MRTFB: variants seen among roughly 807,000 people sequenced by gnomAD.
MRTFB encodes myocardin-related transcription factor B.
Under a neutral mutation model 104.2 loss-of-function variants are expected in MRTFB, and 29 were observed. The ratio of observed to expected loss-of-function variants is 0.28; its 90% CI spans 0.21 to 0.38. The LOEUF (loss-of-function observed/expected upper bound fraction) is 0.38. Ranked by LOEUF, MRTFB falls within the 10% of genes least tolerant of loss-of-function variation. The pLI, the probability that MRTFB is intolerant of heterozygous loss-of-function variation, is 1.00. For missense variants in MRTFB, 1,270 were observed against 1,341.6 expected, an observed-to-expected ratio of 0.95 and a Z score of 0.83; for synonymous variants, 535 against 519.5, an observed-to-expected ratio of 1.03 and a Z score of -0.41.
chr16:14,039,265 C>A, the MRTFB span, among the ~76,000 whole-genome samples: 1 of 152,194 alleles, frequency 6.6e-6, no homozygotes, highest in African/African-American at 2.4e-5. Flanking sequence ...GCTTGAGTAT[C>A]CTCACAACAT....
intron 13 of MRTFB, among the ~76,000 whole-genome samples, chr16:14,251,622 A>G (rs1170317647): frequency 6.6e-6 from 1 of 152,270 alleles, no homozygotes; most frequent in South Asian, 2.1e-4. Context: ...TGTATGGATA[A>G]AGTTTTATTG....
chr16:14,169,387 C>T (rs1229133373), intron 3 of MRTFB, among the ~76,000 whole-genome samples: 2 of 152,094 alleles, frequency 1.3e-5, no homozygotes, highest in South Asian at 2.1e-4. Flanking sequence ...CACTCAGGTC[C>T]GATTCTGAAT....
chr16:14,004,648 A>C, the MRTFB span, among the ~76,000 whole-genome samples: 3 of 152,208 alleles, frequency 2.0e-5, no homozygotes, highest in Non-Finnish European at 4.4e-5. Flanking sequence ...AGCCAGACAC[A>C]GGGACTGCAA....
chr16:14,151,233 A>G (rs958720017), intron 3 of MRTFB: 1 of 152,218 alleles, frequency 6.6e-6, no homozygotes, highest in African/African-American at 2.4e-5. Context: ...TTAACTTTTT[A>G]TAATAGATTT....
At chr16:14,006,659 T>A in the MRTFB span, among the ~76,000 whole-genome samples, 1 of 152,224 alleles carries the variant, frequency 6.6e-6, no homozygotes, top group Admixed American at 6.5e-5. Context: ...ATTGTTTGCA[T>A]GTTTCAATAT....
the MRTFB span, among the ~76,000 whole-genome samples, chr16:14,030,029 T>C: frequency 6.6e-6 from 1 of 151,736 alleles, no homozygotes; most frequent in African/African-American, 2.4e-5. Context: ...GAGAGCTGCC[T>C]GTGATCAGCC....
At chr16:14,237,115 G>T (rs572766878) in intron 9 of MRTFB, among the ~76,000 whole-genome samples, 1 of 152,200 alleles carries the variant, frequency 6.6e-6, no homozygotes, top group Non-Finnish European at 1.5e-5. Context: ...CTGGATAGAT[G>T]AGTGCAGACC....
chr16:14,004,421 C>G, the MRTFB span, among the ~76,000 whole-genome samples: 1 of 152,156 alleles, frequency 6.6e-6, no homozygotes, highest in Non-Finnish European at 1.5e-5. Flanking sequence ...TAAGTTGCAA[C>G]CGCAGGGAGT....
At chr16:14,225,056 C>A (rs183413075) in intron 8 of MRTFB, among the ~76,000 whole-genome samples, 1 of 152,048 alleles carries the variant, frequency 6.6e-6, no homozygotes, top group East Asian at 1.9e-4. Context: ...TGTGGTGGCG[C>A]GTGCCTGTAA....
chr16:14,240,770 G>C, intron 10 of MRTFB: 1 of 765,768 alleles, frequency 1.3e-6, no homozygotes, highest in Non-Finnish European at 2.4e-6. Flanking sequence ...CACCAAAATA[G>C]TACTAGATGC....
At chr16:14,010,137 G>A in the MRTFB span, among the ~76,000 whole-genome samples, 1 of 152,072 alleles carries the variant, frequency 6.6e-6, no homozygotes, top group African/African-American at 2.4e-5. Flanking sequence ...TTAGAAGCTG[G>A]GTAGGATGCT....
chr16:14,248,393 G>C (rs994609804), intron 12 of MRTFB: 3 of 152,338 alleles, frequency 2.0e-5, no homozygotes, highest in Non-Finnish European at 4.4e-5. Context: ...TATCTTTAGG[G>C]TATCTGTGAA....
chr16:14,215,931 G>A (rs2151195543), intron 6 of MRTFB, among the ~76,000 whole-genome samples: 1 of 152,334 alleles, frequency 6.6e-6, no homozygotes, highest in Middle Eastern at 3.4e-3. Flanking sequence ...AAACGAATTT[G>A]ACAGTGATTT....
chr16:14,115,026 G>T (rs2036471395), intron 2 of MRTFB, among the ~76,000 whole-genome samples: 1 of 152,148 alleles, frequency 6.6e-6, no homozygotes, highest in African/African-American at 2.4e-5. Context: ...CACAGCCATG[G>T]CTAGTGACCA....
chr16:14,095,230 C>T (rs1434015704), intron 2 of MRTFB, among the ~76,000 whole-genome samples: 3 of 152,198 alleles, frequency 2.0e-5, no homozygotes, highest in Non-Finnish European at 4.4e-5. Flanking sequence ...AATAACCACA[C>T]TGAGAATAAT....
chr16:14,160,351 G>A (rs961211731), intron 3 of MRTFB, among the ~76,000 whole-genome samples: 2 of 152,138 alleles, frequency 1.3e-5, no homozygotes, highest in Admixed American at 6.5e-5. Flanking sequence ...AATATTGTTG[G>A]TGATAACACT....
At chr16:14,078,619 C>T (rs1239543515) in intron 1 of MRTFB, among the ~76,000 whole-genome samples, 2 of 149,774 alleles carry the variant, frequency 1.3e-5, no homozygotes, top group Admixed American at 6.7e-5. Context: ...TTTAAAGAGA[C>T]GGTATTACCA....
chr16:14,098,531 A>G (rs1030759583), intron 2 of MRTFB, among the ~76,000 whole-genome samples: 1 of 152,206 alleles, frequency 6.6e-6, no homozygotes, highest in African/African-American at 2.4e-5. Context: ...CCCTCTTAAC[A>G]TTCTTTCAAA....
chr16:14,045,358 C>T, the MRTFB span, among the ~76,000 whole-genome samples: 1 of 152,210 alleles, frequency 6.6e-6, no homozygotes, highest in African/African-American at 2.4e-5. Flanking sequence ...CCCGACACAG[C>T]TGACCGCTTC....
Sources: gnomAD v4.1 joint callset for allele counts (sites outside exome capture counted in the v4.1 genomes callset) on GRCh38, gnomAD v4.1.1 for gene constraint, MANE v1.5 for transcripts, NCBI Gene and HGNC (gene_info 2026-07-23, HGNC 2026-07-21) for gene names.